PIK3C3: variants seen among roughly 807,000 people sequenced by gnomAD.
The protein encoded by PIK3C3 is phosphatidylinositol 3-kinase catalytic subunit type 3, also known as PI3-kinase type 3.
Under a neutral mutation model 126.1 loss-of-function variants are expected in PIK3C3, and 95 were observed. The observed-to-expected ratio is 0.75, with a 90% CI of 0.64 to 0.89. PIK3C3 has a LOEUF of 0.89. PIK3C3 is among the 40% of genes least tolerant of loss of function. The pLI is 0.00. For synonymous variants in PIK3C3, 374 were observed against 360.0 expected (o/e 1.04, Z -0.44); for missense variants, 829 against 1,063.2 (o/e 0.78, Z 3.06).
At chr18:42,049,297 T>G (rs1174740512) in intron 20 of PIK3C3, 1 of 366,768 alleles carries the variant, frequency 2.7e-6, no homozygotes. Context: ...ACTTAAGTTT[T>G]GATGCAAGTG....
At chr18:41,969,127 G>GA (rs1980522637) in intron 3 of PIK3C3, among the ~76,000 whole-genome samples, 1 of 147,654 alleles carries the variant, frequency 6.8e-6, no homozygotes. Context: ...TCTGTACCTT[G>GA]TTTTTTTTTT....
chr18:42,026,788 G>A (rs1180500361), intron 13 of PIK3C3: 3 of 152,152 alleles, frequency 2.0e-5, no homozygotes, highest in Non-Finnish European at 4.4e-5. Flanking sequence ...CACTGGATTA[G>A]AAGACCTATA....
intron 10 of PIK3C3, among the ~76,000 whole-genome samples, chr18:42,010,428 T>C (rs1214205359): frequency 2.6e-5 from 4 of 152,100 alleles, no homozygotes; most frequent in Non-Finnish European, 5.9e-5. Context: ...TGCAGTGGCA[T>C]GATCTTGGCT....
At chr18:41,961,523 T>G (rs1237928973) in intron 2 of PIK3C3, among the ~76,000 whole-genome samples, 1 of 152,230 alleles carries the variant, frequency 6.6e-6, no homozygotes, top group Non-Finnish European at 1.5e-5. Flanking sequence ...CGTATATAAA[T>G]GATTTGTTGT....
chr18:42,029,529 C>G (rs947388791), intron 15 of PIK3C3, 88 bp downstream of exon 15: 5 of 385,498 alleles, frequency 1.3e-5, no homozygotes, highest in East Asian at 5.2e-5. Flanking sequence ...TGGGTTGATA[C>G]GTGAATTTTT....
At chr18:42,034,252 C>T (rs964224614) in intron 16 of PIK3C3, among the ~76,000 whole-genome samples, 1 of 152,164 alleles carries the variant, frequency 6.6e-6, no homozygotes, top group Non-Finnish European at 1.5e-5. Flanking sequence ...TGGGTCCTCA[C>T]TTTGTTATCC....
intron 12 of PIK3C3, among the ~76,000 whole-genome samples, chr18:42,018,018 C>T (rs987097650): frequency 6.6e-6 from 1 of 151,576 alleles, no homozygotes; most frequent in Non-Finnish European, 1.5e-5. Flanking sequence ...TCTTGCTTGT[C>T]ATTGGCTAAA....
chr18:42,009,759 G>A (rs1309894096), intron 10 of PIK3C3, among the ~76,000 whole-genome samples: 2 of 150,610 alleles, frequency 1.3e-5, no homozygotes, highest in Non-Finnish European at 3.0e-5. Context: ...TGTACATTAT[G>A]TAATGCTTAC....
intron 20 of PIK3C3, among the ~76,000 whole-genome samples, chr18:42,044,125 T>G (rs1024612403): frequency 2.6e-5 from 4 of 152,196 alleles, no homozygotes; most frequent in African/African-American, 9.6e-5. Context: ...TAACAGAAAC[T>G]AAGTAGACCA....
At chr18:41,989,521 A>G (rs606366) in intron 5 of PIK3C3, among the ~76,000 whole-genome samples, 12,629 of 152,164 alleles carry the variant, frequency 0.083, 1,712 homozygotes, top group African/African-American at 0.28. Context: ...ATGTACAATG[A>G]TGGTTCCGTA....
intron 9 of PIK3C3, among the ~76,000 whole-genome samples, chr18:42,002,147 T>G (rs1206163167): frequency 1.3e-5 from 2 of 152,176 alleles, no homozygotes; most frequent in African/African-American, 4.8e-5. Flanking sequence ...TAGCTGAAAG[T>G]TGCCGAAAAC....
rs571382389 is a variant in PIK3C3, at chr18:42,009,897, A to G, written c.1171-3545A>G. 7.9e-5 allele frequency among the ~76,000 whole-genome samples: 12 copies of G among 152,220 alleles called. No individual in the cohort carries two copies. The East Asian group carries it at 2.3e-3, about 30-fold the overall frequency. On this transcript the variant is annotated intron_variant, in intron 10 of 24. Coordinates refer to ENST00000262039, the MANE Select transcript of PIK3C3 (RefSeq NM_002647.4). ...TTTGGTAGTCAAGGGTCTTGCCTTGATGTTTATGACAACTGAATGATCAGG... is the reference window on the plus strand; with the variant it reads ...TTTGGTAGTCAAGGGTCTTGCCTTGGTGTTTATGACAACTGAATGATCAGG...
Position 42,013,475 on chromosome 18 carries a change from G to C in PIK3C3, c.1204G>C (p.Ala402Pro), listed in dbSNP as rs1188998341. Residue 402 changes from alanine (A) to proline (P), a missense_variant, in exon 11 of 25, where the codon GCT (alanine) becomes CCT (proline). Transcript: ENST00000262039. ...GATGTACCTATTACAATTGGTCCAG[G>C]CTCTCAAATATGAAAATTTTGATGA... ...LLMYLLQLVQALKYENFDDIK... is the reference protein window; with the variant it reads ...LLMYLLQLVQPLKYENFDDIK... 6.3e-7 allele frequency: 1 copy of C among 1,590,130 alleles called. No homozygotes were observed. The highest frequency in any genetic ancestry group is 8.6e-7 in the Non-Finnish European group (1 of 1,168,194).
At chr18:42,016,338 A>G (rs369681177) in intron 12 of PIK3C3, among the ~76,000 whole-genome samples, 3 of 152,230 alleles carry the variant, frequency 2.0e-5, no homozygotes, top group African/African-American at 4.8e-5. Context: ...ACAGAATCAT[A>G]GAATCCTTAG....
At position 42,081,436 on chromosome 18, in the gene PIK3C3, G is replaced by A. The variant is rs1986247571; in HGVS notation, c.*299G>A. Reference sequence around the variant, plus strand: ...ATGTACATGTTATGAGAGTTCTGGAGGAAGTAATATGTTGAAATAGTAAAA... The same window carrying A: ...ATGTACATGTTATGAGAGTTCTGGAAGAAGTAATATGTTGAAATAGTAAAA... On this transcript the variant is annotated 3_prime_UTR_variant, in exon 25 of 25. Coordinates refer to ENST00000262039, the MANE Select transcript of PIK3C3 (RefSeq NM_002647.4). 7 of 312,012 alleles carry A rather than the reference G, an allele frequency of 2.2e-5. No homozygotes were observed. The East Asian group carries it at 3.3e-4, about 15-fold the overall frequency. The allele number at this position is 312,012 out of a possible 1,614,324, so 19.3% of individuals were successfully genotyped here. A position where few individuals can be genotyped will look rare whatever the true frequency, so the allele number is the denominator to read the frequency against.
chr18:41,960,479 T>C lies in PIK3C3; in HGVS notation c.258-2010T>C, dbSNP rs554404219. ...TAATCAGATTCGAGTGCTAGCACAA[T>C]GGTATGCGGTGATGGCGGTACCTGG... is the stretch of plus-strand genomic sequence containing the variant. On this transcript the variant is annotated intron_variant, in intron 2 of 24. Transcript: ENST00000262039. Among the ~76,000 whole-genome samples the C allele has an allele frequency of 2.8e-4, 43 of 152,312 alleles. No individual in the cohort carries two copies. The South Asian group carries it at 4.6e-3, about 16-fold the overall frequency.
rs897045484 is a variant in PIK3C3 at position 42,083,710 on chromosome 18, A to C, written c.*2573A>C. ...ATGCCTTATCTCATTATTCTGTGAG[A>C]TAGAATTGTCTCCTCATTTTTTAGT... On this transcript the variant is annotated 3_prime_UTR_variant, in exon 25 of 25. Coordinates refer to ENST00000262039, the MANE Select transcript of PIK3C3 (RefSeq NM_002647.4). The C allele has an allele frequency of 2.6e-5, 4 of 152,126 alleles. No individual in the cohort carries two copies. The highest frequency in any genetic ancestry group is 9.7e-5 in the African/African-American group (4 of 41,436). The allele number at this position is 152,126 out of a possible 1,614,324, so 9.4% of individuals were successfully genotyped here.
At chr18:42,065,483 A>C (rs1268217592) in intron 23 of PIK3C3, among the ~76,000 whole-genome samples, 1 of 152,268 alleles carries the variant, frequency 6.6e-6, no homozygotes, top group African/African-American at 2.4e-5. Flanking sequence ...GGGTAGGCTT[A>C]ACAGCAGATT....
At chr18:42,032,358 C>T (rs1983866055) in intron 15 of PIK3C3, among the ~76,000 whole-genome samples, 1 of 152,138 alleles carries the variant, frequency 6.6e-6, no homozygotes, top group Non-Finnish European at 1.5e-5. Flanking sequence ...ATTATTTTGA[C>T]TGAAACACTG....
Sources: allele counts gnomAD v4.1 joint callset (sites outside exome capture counted in the v4.1 genomes callset), GRCh38; gene constraint gnomAD v4.1.1; transcripts MANE v1.5; gene names NCBI Gene and HGNC (gene_info 2026-07-23, HGNC 2026-07-21).